Variants in GABRA4 observed in about 807,000 individuals in gnomAD.
GABRA4 encodes gamma-aminobutyric acid type A receptor subunit alpha4.
GABRA4 carries 12 observed loss-of-function variants against 49.7 expected under a neutral mutation model. The observed-to-expected ratio is 0.24, with a 90% CI of 0.15 to 0.39. The LOEUF (loss-of-function observed/expected upper bound fraction) is 0.39. GABRA4 is among the 10% of genes least tolerant of loss of function. The pLI is 1.00. For missense variants in GABRA4, 506 were observed against 686.0 expected, an observed-to-expected ratio of 0.74 and a Z score of 2.93; for synonymous variants, 288 against 240.2, an observed-to-expected ratio of 1.20 and a Z score of -1.84.
chr4:46,949,613 GT>G (rs750590213), intron 8 of GABRA4, among the ~76,000 whole-genome samples: 2 of 152,010 alleles, frequency 1.3e-5, no homozygotes, highest in Non-Finnish European at 1.5e-5. Flanking sequence ...TTGAAAAAAT[GT>G]TTTAAACTTT....
At chr4:46,988,490 C>T (rs1483588538) in intron 2 of GABRA4, among the ~76,000 whole-genome samples, 3 of 152,150 alleles carry the variant, frequency 2.0e-5, no homozygotes, top group Non-Finnish European at 4.4e-5. Context: ...AAAGGTATTT[C>T]TCTATTGACA....
At chr4:46,973,546 A>G (rs1206553878) in intron 6 of GABRA4, among the ~76,000 whole-genome samples, 2 of 151,762 alleles carry the variant, frequency 1.3e-5, no homozygotes, top group African/African-American at 4.8e-5. Context: ...TTTTGTTACA[A>G]TGGCCCAAAC....
chr4:46,940,828 T>C (rs945804366), intron 8 of GABRA4, among the ~76,000 whole-genome samples: 5 of 152,100 alleles, frequency 3.3e-5, no homozygotes, highest in African/African-American at 1.2e-4. Context: ...TATCAGCTTA[T>C]GGTTTCCAAT....
At chr4:46,958,631 A>G (rs1237737289) in intron 8 of GABRA4, among the ~76,000 whole-genome samples, 1 of 151,944 alleles carries the variant, frequency 6.6e-6, no homozygotes, top group Admixed American at 6.6e-5. Flanking sequence ...TAATCAGCAG[A>G]AACAGAACAG....
chr4:46,940,746 A>C (rs1034130115), intron 8 of GABRA4, among the ~76,000 whole-genome samples: 5 of 151,536 alleles, frequency 3.3e-5, no homozygotes, highest in African/African-American at 7.3e-5. Context: ...AACACCCCCC[A>C]AAAAATTGCT....
At chr4:46,936,350 A>G (rs1721603081) in intron 8 of GABRA4, among the ~76,000 whole-genome samples, 1 of 152,150 alleles carries the variant, frequency 6.6e-6, no homozygotes. Context: ...CCCAGGTTCA[A>G]GCAATTCTCC....
At chr4:46,933,072 T>A (rs1721497644) in intron 8 of GABRA4, among the ~76,000 whole-genome samples, 1 of 151,956 alleles carries the variant, frequency 6.6e-6, no homozygotes, top group Non-Finnish European at 1.5e-5. Flanking sequence ...AACAATGAAG[T>A]AAGAGACTTT....
chr4:46,988,647 C>A (rs574357111), intron 2 of GABRA4, among the ~76,000 whole-genome samples: 1 of 152,264 alleles, frequency 6.6e-6, no homozygotes, highest in South Asian at 2.1e-4. Context: ...GTTTTCTTTA[C>A]TATTTGAAAG....
intron 8 of GABRA4, among the ~76,000 whole-genome samples, chr4:46,935,935 T>C (rs1721589345): frequency 6.6e-6 from 1 of 152,160 alleles, no homozygotes; most frequent in Non-Finnish European, 1.5e-5. Context: ...AAAATCAAAA[T>C]TCATATAGGT....
intron 8 of GABRA4, among the ~76,000 whole-genome samples, chr4:46,958,318 T>C (rs1438504907): frequency 6.6e-6 from 1 of 151,974 alleles, no homozygotes; most frequent in Admixed American, 6.6e-5. Context: ...TAACTAATGT[T>C]AGCCATCTCA....
Position 46,973,547 on chromosome 4 carries a change from T to C in GABRA4, c.721+685A>G, listed in dbSNP as rs1723030937. Among the ~76,000 whole-genome samples, 3 of 151,806 alleles carry C rather than the reference T, an allele frequency of 2.0e-5. No individual in the cohort carries two copies. The South Asian group carries it at 6.2e-4, about 31-fold the overall frequency. ...CCCTATTTGTGTTGTTTTGTTACAA[T>C]GGCCCAAACAAACTAAGTTAACTAT... On this transcript the variant is annotated intron_variant, in intron 6 of 8. Coordinates refer to ENST00000264318, the MANE Select transcript of GABRA4 (RefSeq NM_000809.4).
At chr4:46,975,524 A>G (rs1723109487) in intron 5 of GABRA4, among the ~76,000 whole-genome samples, 1 of 151,884 alleles carries the variant, frequency 6.6e-6, no homozygotes, top group African/African-American at 2.4e-5. Context: ...GGGGTTTTAA[A>G]TAGTGTTTTG....
At chr4:46,938,360 C>A (rs1436593145) in intron 8 of GABRA4, among the ~76,000 whole-genome samples, 1 of 152,078 alleles carries the variant, frequency 6.6e-6, no homozygotes, top group Non-Finnish European at 1.5e-5. Flanking sequence ...CCATGCCAAT[C>A]CTATAGGAGG....
chr4:46,981,348 C>T (rs1460405420), intron 2 of GABRA4, among the ~76,000 whole-genome samples: 1 of 152,040 alleles, frequency 6.6e-6, no homozygotes, highest in Non-Finnish European at 1.5e-5. Flanking sequence ...ACAATGATTC[C>T]ATGATAATAA....
chr4:46,989,947 C>G (rs939261380), intron 2 of GABRA4, among the ~76,000 whole-genome samples: 4 of 152,194 alleles, frequency 2.6e-5, no homozygotes, highest in Non-Finnish European at 5.9e-5. Flanking sequence ...TGAAGTTTCT[C>G]ATTGTTTTCA....
Position 46,925,152 on chromosome 4 carries a change from G to A in GABRA4, c.*3073C>T, listed in dbSNP as rs1401532440. ...TTTTAAGGTGAGATTATTGAAAAAT[G>A]ACCTTTCAAAGTTCTTTCCAACCCT... On this transcript the variant is annotated 3_prime_UTR_variant, in exon 9 of 9. Transcript: ENST00000264318. The A allele has an allele frequency of 6.6e-6, 1 of 151,890 alleles. No individual in the cohort carries two copies. The highest frequency in any genetic ancestry group is 1.5e-5 in the Non-Finnish European group (1 of 67,862). The allele number at this position is 151,890 out of a possible 1,614,324, so 9.4% of individuals were successfully genotyped here.
intron 2 of GABRA4, among the ~76,000 whole-genome samples, chr4:46,985,910 C>T (rs1723517042): frequency 6.6e-6 from 1 of 151,360 alleles, no homozygotes; most frequent in Non-Finnish European, 1.5e-5. Flanking sequence ...ATATCCTGTA[C>T]TAGATTATCC....
chr4:46,962,292 G>C (rs188913482), intron 8 of GABRA4, among the ~76,000 whole-genome samples: 4 of 151,724 alleles, frequency 2.6e-5, no homozygotes, highest in African/African-American at 9.7e-5. Flanking sequence ...ACAAAAATCA[G>C]TAGCATTTTT....
At chr4:46,947,267 C>A (rs745938495) in intron 8 of GABRA4, among the ~76,000 whole-genome samples, 1 of 151,940 alleles carries the variant, frequency 6.6e-6, no homozygotes. Context: ...AATTTGTTTA[C>A]CCCATTCCCC....
Sources: gnomAD v4.1 joint callset for allele counts (sites outside exome capture counted in the v4.1 genomes callset) on GRCh38, gnomAD v4.1.1 for gene constraint, MANE v1.5 for transcripts, NCBI Gene and HGNC (gene_info 2026-07-23, HGNC 2026-07-21) for gene names.